The following WASHC2A variants were observed in gnomAD, a reference collection of about 807,000 sequenced individuals.
The protein encoded by WASHC2A is WASH complex subunit 2A.
WASHC2A carries 82 observed loss-of-function variants against 140.3 expected under a neutral mutation model. The ratio of observed to expected loss-of-function variants is 0.58; its 90% CI spans 0.49 to 0.70. The LOEUF (loss-of-function observed/expected upper bound fraction) is 0.70, where lower values mean the gene tolerates loss of function less well. WASHC2A is among the 30% of genes least tolerant of loss of function. The pLI is 0.00. For synonymous variants in WASHC2A, 340 were observed against 560.8 expected (o/e 0.61, Z 5.56); for missense variants, 985 against 1,521.8 (o/e 0.65, Z 5.87).
intron 3 of WASHC2A, 94 bp downstream of exon 3, chr10:50,069,805 G>A: frequency 7.7e-7 from 1 of 1,304,932 alleles, no homozygotes; most frequent in East Asian, 2.5e-5. Flanking sequence ...CTAAATTTTG[G>A]TGGAAGTGTG....
intron 8 of WASHC2A, among the ~76,000 whole-genome samples, chr10:50,090,502 C>CAAA (rs1228908369): frequency 1.3e-3 from 139 of 108,522 alleles, no homozygotes; most frequent in Middle Eastern, 4.9e-3. Flanking sequence ...GACTCCATCT[C>CAAA]AAAAAAAAAA....
chr10:50,119,860 GAATC>G, intron 23 of WASHC2A, 91 bp downstream of exon 23: 1 of 844,446 alleles, frequency 1.2e-6, no homozygotes, highest in Non-Finnish European at 1.8e-6. Flanking sequence ...GTTTCTGAAG[GAATC>G]TTAACCTTCA....
chr10:50,099,540 A>C (rs2132673221), intron 16 of WASHC2A, among the ~76,000 whole-genome samples: 1 of 151,202 alleles, frequency 6.6e-6, no homozygotes, highest in Non-Finnish European at 1.5e-5. Flanking sequence ...AGCAGTCTTT[A>C]AGCCCTTCTG....
chr10:50,126,531 A>G (rs1288407621), intron 26 of WASHC2A: 2 of 247,970 alleles, frequency 8.1e-6, no homozygotes, highest in African/African-American at 4.6e-5. Context: ...TATAAATTAC[A>G]TCTGATTTCC....
rs1837626269 is a variant in WASHC2A at position 50,069,731 on chromosome 10, TATC to T, written c.291+23_291+25del. On this transcript the variant is annotated intron_variant, in intron 3 of 30. Transcript: ENST00000282633. ...GAGAATGTGAGTTATTTAGTTATAT[TATC>T]ATTCCTTTTTTGGGAGTAGGAGATA... 1.2e-6 allele frequency: 2 copies of T among 1,603,228 alleles called. No individual in the cohort carries two copies. The highest frequency in any genetic ancestry group is 1.7e-5 in the Admixed American group (1 of 58,590).
intron 29 of WASHC2A, among the ~76,000 whole-genome samples, chr10:50,130,592 T>C (rs1410660674): frequency 1.3e-5 from 2 of 152,146 alleles, no homozygotes; most frequent in African/African-American, 4.8e-5. Flanking sequence ...ATAATTAAGA[T>C]GTTTTCAAAT....
intron 3 of WASHC2A, chr10:50,078,180 A>T: frequency 1.6e-6 from 1 of 641,828 alleles, no homozygotes; most frequent in East Asian, 2.8e-5. Flanking sequence ...CTTTCATACA[A>T]ATGGGATAAT....
At chr10:50,069,314 T>C (rs1837579825) in intron 2 of WASHC2A, among the ~76,000 whole-genome samples, 1 of 151,278 alleles carries the variant, frequency 6.6e-6, no homozygotes, top group African/African-American at 2.4e-5. Flanking sequence ...TAATTCCAGC[T>C]ACTCGGGAGG....
rs878922289 is a variant in WASHC2A, at chr10:50,129,412, A to G, written c.3088-7A>G. 1.2e-6 allele frequency: 2 copies of G among 1,611,910 alleles called. No homozygotes were observed. Among genetic ancestry groups the G allele is most frequent in the East Asian group, 2.2e-5 (1 of 44,878 alleles). ...TCAGATCAATGTGTGTTTTTTTGCCATTGCAGAGCCGTGTCAAGATGAGAG... is the reference window on the plus strand; with the variant it reads ...TCAGATCAATGTGTGTTTTTTTGCCGTTGCAGAGCCGTGTCAAGATGAGAG... On this transcript the variant is annotated splice_polypyrimidine_tract_variant and splice_region_variant and intron_variant, in intron 28 of 30. Transcript: ENST00000282633.
intron 17 of WASHC2A, among the ~76,000 whole-genome samples, chr10:50,101,349 G>T (rs1293309683): frequency 6.6e-6 from 1 of 152,308 alleles, no homozygotes; most frequent in Non-Finnish European, 1.5e-5. Context: ...CTCACTCTTC[G>T]ATTTCTCTGT....
At chr10:50,128,578 TAGATTC>T (rs1334778757) in intron 28 of WASHC2A, among the ~76,000 whole-genome samples, 2 of 152,204 alleles carry the variant, frequency 1.3e-5, no homozygotes, top group Non-Finnish European at 2.9e-5. Context: ...CCCCGGCAAA[TAGATTC>T]ATTTCAAATG....
At chr10:50,075,625 G>A in intron 3 of WASHC2A, among the ~76,000 whole-genome samples, 1 of 148,572 alleles carries the variant, frequency 6.7e-6, no homozygotes. Flanking sequence ...ATCCCTTATA[G>A]ATAACCTTTA....
intron 2 of WASHC2A, among the ~76,000 whole-genome samples, chr10:50,068,834 C>T (rs572864294): frequency 7.5e-5 from 11 of 147,072 alleles, no homozygotes; most frequent in African/African-American, 2.8e-4. Context: ...ACCTCAGCGT[C>T]CTGAGAAGCT....
At position 50,068,169 on chromosome 10, in the gene WASHC2A, G is replaced by A. The variant is rs201459362; in HGVS notation, c.68G>A (p.Trp23Ter). Reference sequence around the variant, plus strand: ...TCGGAGCCCGTGTGGGAGCGGCCGTGGTCGGTGGAGGAGATCCGCAGGAGC... The same window carrying A: ...TCGGAGCCCGTGTGGGAGCGGCCGTAGTCGGTGGAGGAGATCCGCAGGAGC... ...PASEPVWERP[W>*]SVEEIRRSSQ... The change falls in exon 2 of 31, where the codon TGG (tryptophan) becomes TAG (stop). Residue 23 changes from tryptophan to a stop codon, truncating the protein, a stop_gained. Coordinates refer to ENST00000282633, the MANE Select transcript of WASHC2A (RefSeq NM_001005751.3). LOFTEE classifies it high-confidence loss of function. 4.3e-3 allele frequency: 6,930 copies of A among 1,600,698 alleles called. 73 individuals are homozygous for A. Among genetic ancestry groups the A allele is most frequent in the Non-Finnish European group, 5.3e-3 (6,192 of 1,174,436 alleles).
intron 18 of WASHC2A, among the ~76,000 whole-genome samples, chr10:50,104,564 C>A (rs1841560571): frequency 6.6e-6 from 1 of 151,996 alleles, no homozygotes; most frequent in Non-Finnish European, 1.5e-5. Context: ...ACCATGTTGG[C>A]CAGGCTAGTT....
chr10:50,129,656 C>T lies in WASHC2A; in HGVS notation c.3325C>T (p.Pro1109Ser), dbSNP rs1161015675. 1 of 1,611,944 alleles carries T rather than the reference C, an allele frequency of 6.2e-7. No homozygotes were observed. The highest frequency in any genetic ancestry group is 8.5e-7 in the Non-Finnish European group (1 of 1,179,870). ...AAAPWEGGPV[P>S]GVDRSPFAKS... ...TGCACCTTGGGAAGGTGGTCCTGTGCCTGGAGTGGACAGAAGCCCCTTTGC... is the reference window on the plus strand; with the variant it reads ...TGCACCTTGGGAAGGTGGTCCTGTGTCTGGAGTGGACAGAAGCCCCTTTGC... Residue 1109 changes from proline to serine, a missense_variant, in exon 29 of 31, where the codon CCT becomes TCT. Transcript: ENST00000282633.
At chr10:50,124,241 C>T (rs1454395439) in intron 23 of WASHC2A, among the ~76,000 whole-genome samples, 3 of 151,834 alleles carry the variant, frequency 2.0e-5, no homozygotes, top group African/African-American at 7.3e-5. Context: ...GTAGCTGGAA[C>T]CACAGGCACA....
intron 25 of WASHC2A, among the ~76,000 whole-genome samples, chr10:50,125,708 T>C (rs1554894713): frequency 6.6e-6 from 1 of 152,242 alleles, no homozygotes; most frequent in African/African-American, 2.4e-5. Context: ...ATCTGTGTGA[T>C]GTTTAAATGG....
chr10:50,106,206 T>A, intron 18 of WASHC2A, 128 bp from the exon 19 acceptor site: 1 of 1,260,912 alleles, frequency 7.9e-7, no homozygotes, highest in Non-Finnish European at 1.1e-6. Flanking sequence ...ATTTTGCGGT[T>A]TTTCCCCGCC....
Sources: allele counts gnomAD v4.1 joint callset (sites outside exome capture counted in the v4.1 genomes callset), GRCh38; gene constraint gnomAD v4.1.1; transcripts MANE v1.5; gene names NCBI Gene and HGNC (gene_info 2026-07-23, HGNC 2026-07-21).